FKTN: variants seen among roughly 807,000 people sequenced by gnomAD.
The protein encoded by FKTN is ribitol-5-phosphate transferase FKTN.
A neutral mutation model predicts 58.6 loss-of-function variants in FKTN; 47 were observed. The ratio of observed to expected loss-of-function variants is 0.80; its 90% CI spans 0.63 to 1.02. The LOEUF (loss-of-function observed/expected upper bound fraction) is 1.02, where lower values mean the gene tolerates loss of function less well. FKTN is among the 50% of genes least tolerant of loss of function. The probability of loss-of-function intolerance (pLI) is 0.00; values close to 1 mark genes in which losing one functional copy is unlikely to be tolerated. For synonymous variants in FKTN, 178 were observed against 191.9 expected (o/e 0.93, Z 0.60); for missense variants, 516 against 537.3 (o/e 0.96, Z 0.39).
Position 105,566,913 on chromosome 9 carries a change from C to T in FKTN, c.-180-6742C>T, listed in dbSNP as rs190683717. Among the ~76,000 whole-genome samples the T allele has an allele frequency of 5.9e-5, 9 of 152,230 alleles. No individual in the cohort carries two copies. The East Asian group carries it at 7.7e-4, about 13-fold the overall frequency. On this transcript the variant is annotated intron_variant, in intron 1 of 10. Coordinates refer to ENST00000357998, the MANE Select transcript of FKTN (RefSeq NM_001079802.2). ...AATCCTCAATAAAATACTGGCAAAC[C>T]GAGTCCAGAAGCACATCAAAAAGCT... is the stretch of plus-strand genomic sequence containing the variant.
At chr9:105,607,251 A>G (rs1829061994) in intron 6 of FKTN, among the ~76,000 whole-genome samples, 1 of 152,062 alleles carries the variant, frequency 6.6e-6, no homozygotes, top group Admixed American at 6.6e-5. Flanking sequence ...TTTACCCATT[A>G]ATGAGATTCT....
intron 3 of FKTN, among the ~76,000 whole-genome samples, chr9:105,587,298 TAGA>T (rs1250622120): frequency 6.6e-6 from 1 of 152,094 alleles, no homozygotes; most frequent in Non-Finnish European, 1.5e-5. Context: ...TATGTTTGGT[TAGA>T]AGGAGGGAGG....
intron 7 of FKTN, 126 bp from the exon 8 acceptor site, chr9:105,615,152 G>T: frequency 9.9e-7 from 1 of 1,006,852 alleles, no homozygotes; most frequent in East Asian, 2.5e-5. Flanking sequence ...CCAAAGTTCT[G>T]GGGTTACAGG....
intron 5 of FKTN, among the ~76,000 whole-genome samples, chr9:105,602,984 C>T (rs974836396): frequency 1.6e-4 from 24 of 152,068 alleles, no homozygotes; most frequent in African/African-American, 5.8e-4. Context: ...ATGCCATTAC[C>T]ATAAAGTGAG....
At chr9:105,609,786 T>G (rs1829580410) in intron 7 of FKTN, among the ~76,000 whole-genome samples, 1 of 152,162 alleles carries the variant, frequency 6.6e-6, no homozygotes, top group Admixed American at 6.6e-5. Context: ...CTGCATAATT[T>G]TGATTTATCC....
At chr9:105,593,835 C>A (rs1210901618) in intron 3 of FKTN, among the ~76,000 whole-genome samples, 1 of 152,080 alleles carries the variant, frequency 6.6e-6, no homozygotes, top group Non-Finnish European at 1.5e-5. Flanking sequence ...TTGGATTTAG[C>A]AATGTTCAGG....
At position 105,624,987 on chromosome 9, in the gene FKTN, G is replaced by A. The variant is rs191023465; in HGVS notation, c.1172+4926G>A. Among the ~76,000 whole-genome samples the A allele has an allele frequency of 3.1e-4, 47 of 152,178 alleles. 1 individual carries two copies. Among genetic ancestry groups the A allele is most frequent in the African/African-American group, 1.1e-3 (45 of 41,524 alleles). On this transcript the variant is annotated intron_variant, in intron 10 of 10. Coordinates refer to ENST00000357998, the MANE Select transcript of FKTN (RefSeq NM_001079802.2). ...CGTACTTCACAGGGTATAATGCTTC[G>A]ATTAAATACTGTGTAGTTACCTGAT...
At chr9:105,596,501 A>T (rs1588052461) in intron 3 of FKTN, 97 bp from the exon 4 acceptor site, 1 of 783,952 alleles carries the variant, frequency 1.3e-6, no homozygotes, top group Non-Finnish European at 2.3e-6. Context: ...TTTAATGATT[A>T]TAAGCTAATT....
chr9:105,577,928 G>A (rs1349886717), intron 3 of FKTN, among the ~76,000 whole-genome samples: 1 of 151,400 alleles, frequency 6.6e-6, no homozygotes, highest in African/African-American at 2.5e-5. Flanking sequence ...TCTCTTTGAA[G>A]CAATTATGAA....
chr9:105,590,957 AAG>A (rs1396168338), intron 3 of FKTN, among the ~76,000 whole-genome samples: 8 of 152,094 alleles, frequency 5.3e-5, no homozygotes, highest in Admixed American at 4.6e-4. Flanking sequence ...GCAGGAGGAA[AAG>A]AGAGAGTGGG....
At chr9:105,600,679 C>G (rs923979176) in intron 4 of FKTN, among the ~76,000 whole-genome samples, 14 of 152,088 alleles carry the variant, frequency 9.2e-5, no homozygotes, top group African/African-American at 3.4e-4. Flanking sequence ...AAAAATGGTA[C>G]AAACAACTGA....
intron 10 of FKTN, among the ~76,000 whole-genome samples, chr9:105,622,069 A>T (rs1195746840): frequency 6.6e-6 from 1 of 152,080 alleles, no homozygotes; most frequent in Non-Finnish European, 1.5e-5. Flanking sequence ...TTTATTTTTT[A>T]AAAGTGCACT....
chr9:105,580,405 T>C (rs1587919584), intron 3 of FKTN, among the ~76,000 whole-genome samples: 1 of 149,152 alleles, frequency 6.7e-6, no homozygotes, highest in African/African-American at 2.5e-5. Context: ...GTAAAGTATT[T>C]AATTTCTCCT....
intron 3 of FKTN, 77 bp downstream of exon 3, chr9:105,575,214 T>G: frequency 2.4e-6 from 2 of 848,158 alleles, no homozygotes; most frequent in Non-Finnish European, 4.1e-6. Context: ...CTCTTTGCAA[T>G]ACATAATATT....
intron 4 of FKTN, among the ~76,000 whole-genome samples, chr9:105,597,059 T>C (rs1826946269): frequency 6.6e-6 from 1 of 152,220 alleles, no homozygotes; most frequent in Non-Finnish European, 1.5e-5. Flanking sequence ...ATTCAACCTA[T>C]TCCTTTATAA....
intron 7 of FKTN, 32 bp downstream of exon 7, chr9:105,607,983 T>G: frequency 6.3e-7 from 1 of 1,589,104 alleles, no homozygotes; most frequent in Non-Finnish European, 8.6e-7. Context: ...ACTTTTAAAT[T>G]AAAGAAAATG....
At chr9:105,626,591 T>C (rs1054205550) in intron 10 of FKTN, among the ~76,000 whole-genome samples, 2 of 152,218 alleles carry the variant, frequency 1.3e-5, no homozygotes, top group African/African-American at 2.4e-5. Flanking sequence ...TGTTTTTCTA[T>C]TGGGTTTACA....
At chr9:105,616,006 T>C (rs1457925960) in intron 8 of FKTN, among the ~76,000 whole-genome samples, 4 of 152,234 alleles carry the variant, frequency 2.6e-5, no homozygotes, top group Non-Finnish European at 1.5e-5. Flanking sequence ...GGCATTGTGA[T>C]GTAGTGTTAG....
chr9:105,590,645 A>G (rs550885527), intron 3 of FKTN, among the ~76,000 whole-genome samples: 2 of 152,300 alleles, frequency 1.3e-5, no homozygotes, highest in African/African-American at 4.8e-5. Flanking sequence ...AGTAATTGCA[A>G]TGGCAAATTG....
Sources: allele counts gnomAD v4.1 joint callset (sites outside exome capture counted in the v4.1 genomes callset), GRCh38; gene constraint gnomAD v4.1.1; transcripts MANE v1.5; gene names NCBI Gene and HGNC (gene_info 2026-07-23, HGNC 2026-07-21).